Variants in GABRA1 observed in about 807,000 individuals in gnomAD.
GABRA1 encodes the protein gamma-aminobutyric acid receptor subunit alpha-1.
Under a neutral mutation model 48.9 loss-of-function variants are expected in GABRA1, and 9 were observed. That is an observed-to-expected ratio of 0.18 (90% CI 0.11 to 0.32). The LOEUF is 0.32. Among genes scored for constraint, GABRA1 ranks in the 10% least tolerant of loss-of-function variants. GABRA1 has a pLI of 1.00. For missense variants in GABRA1, 285 were observed against 553.8 expected (o/e 0.51, Z 4.87); for synonymous variants, 210 against 198.7 (o/e 1.06, Z -0.48).
intron 4 of GABRA1, among the ~76,000 whole-genome samples, chr5:161,869,687 G>C (rs148386985): frequency 6.6e-6 from 1 of 152,106 alleles, no homozygotes; most frequent in African/African-American, 2.4e-5. Context: ...GGAACATAGC[G>C]GATGTTTTGT....
intron 1 of GABRA1, 43 bp from the exon 2 acceptor site, chr5:161,850,753 T>C: frequency 1.3e-6 from 2 of 1,535,836 alleles, no homozygotes; most frequent in Non-Finnish European, 1.8e-6. Flanking sequence ...TAACCTGATG[T>C]TTCTTGCTAG....
At chr5:161,886,854 G>A (rs1417591559) in intron 7 of GABRA1, among the ~76,000 whole-genome samples, 1 of 151,890 alleles carries the variant, frequency 6.6e-6, no homozygotes, top group East Asian at 1.9e-4. Context: ...GGAGGAAGGG[G>A]GTCATTTCTA....
intron 8 of GABRA1, among the ~76,000 whole-genome samples, chr5:161,893,902 A>G (rs939504014): frequency 1.3e-5 from 2 of 152,228 alleles, no homozygotes; most frequent in African/African-American, 4.8e-5. Context: ...CTCTTTTCCT[A>G]TAACAGGAAT....
chr5:161,847,919 A>C, upstream of GABRA1: 1 of 150,134 alleles, frequency 6.7e-6, no homozygotes, highest in Non-Finnish European at 1.5e-5. Flanking sequence ...TCCCTCCCCC[A>C]TTGCCGCTCC....
At chr5:161,887,293 G>T (rs558412953) in intron 7 of GABRA1, among the ~76,000 whole-genome samples, 1 of 152,178 alleles carries the variant, frequency 6.6e-6, no homozygotes, top group East Asian at 1.9e-4. Context: ...GACCCAGAAG[G>T]GTCAAGATAA....
At chr5:161,867,981 A>G (rs562004552) in intron 4 of GABRA1, among the ~76,000 whole-genome samples, 1 of 151,862 alleles carries the variant, frequency 6.6e-6, no homozygotes, top group African/African-American at 2.4e-5. Flanking sequence ...GTATTAGTTC[A>G]TTGTTATTTT....
At chr5:161,864,903 C>T (rs184872835) in intron 3 of GABRA1, among the ~76,000 whole-genome samples, 2 of 151,754 alleles carry the variant, frequency 1.3e-5, no homozygotes, top group African/African-American at 4.8e-5. Context: ...TTTTTCAGAG[C>T]TAGAGATGAA....
intron 3 of GABRA1, among the ~76,000 whole-genome samples, chr5:161,859,690 A>T (rs1757779465): frequency 6.6e-6 from 1 of 151,728 alleles, no homozygotes; most frequent in Non-Finnish European, 1.5e-5. Context: ...TCAGAGAGAA[A>T]CATTTTGTTC....
chr5:161,875,228 G>C (rs760483336), intron 5 of GABRA1, among the ~76,000 whole-genome samples: 1 of 152,114 alleles, frequency 6.6e-6, no homozygotes, highest in Non-Finnish European at 1.5e-5. Flanking sequence ...TTACGCAAGT[G>C]TTTATTTGCT....
Position 161,860,523 on chromosome 5 carries a change from A to C in GABRA1, c.188-5198A>C, listed in dbSNP as rs116284869. Among the ~76,000 whole-genome samples, 590 of 151,904 alleles carry C rather than the reference A, an allele frequency of 3.9e-3. 5 individuals carry two copies. Among genetic ancestry groups the C allele is most frequent in the African/African-American group, 0.014 (574 of 41,514 alleles). The stretch of plus-strand genomic sequence containing the variant: ...GAGGTGGGGATGGTTAATGGGTACA[A>C]AAGAAAGTACAAAAAAGTAGGAAAA... On this transcript the variant is annotated intron_variant, in intron 3 of 9. Transcript: ENST00000393943.
chr5:161,868,754 A>G (rs990525515), intron 4 of GABRA1, among the ~76,000 whole-genome samples: 1 of 152,326 alleles, frequency 6.6e-6, no homozygotes, highest in South Asian at 2.1e-4. Flanking sequence ...TTCTTAAAAA[A>G]TAGGTGACAT....
At chr5:161,889,211 T>A (rs988090776) in intron 7 of GABRA1, among the ~76,000 whole-genome samples, 1 of 152,048 alleles carries the variant, frequency 6.6e-6, no homozygotes, top group Non-Finnish European at 1.5e-5. Context: ...TACCAACACT[T>A]CTACCAGTTC....
chr5:161,870,871 G>C (rs1389109081), intron 4 of GABRA1, among the ~76,000 whole-genome samples: 1 of 151,774 alleles, frequency 6.6e-6, no homozygotes, highest in African/African-American at 2.4e-5. Context: ...TTCATCAACT[G>C]CTTTTATTTC....
intron 4 of GABRA1, among the ~76,000 whole-genome samples, chr5:161,866,079 G>A (rs559845937): frequency 2.0e-5 from 3 of 152,100 alleles, no homozygotes; most frequent in African/African-American, 4.8e-5. Context: ...AAGCCATACA[G>A]TATGAGTTAT....
chr5:161,850,774 C>A (rs778388081), intron 1 of GABRA1, 22 bp from the exon 2 acceptor site: 1 of 1,596,264 alleles, frequency 6.3e-7, no homozygotes, highest in Admixed American at 1.7e-5. Context: ...AGACATTGAT[C>A]TCTACTTATT....
Position 161,898,080 on chromosome 5 carries a change from G to A in GABRA1, c.*658G>A, listed in dbSNP as rs1755455570. 1 of 151,846 alleles carries A rather than the reference G, an allele frequency of 6.6e-6. No individual in the cohort carries two copies. The highest frequency in any genetic ancestry group is 2.4e-5 in the African/African-American group (1 of 41,334). The allele number at this position is 151,846 out of a possible 1,614,324, so 9.4% of individuals were successfully genotyped here. A position where few individuals can be genotyped will look rare whatever the true frequency, so the allele number is the denominator to read the frequency against. On this transcript the variant is annotated 3_prime_UTR_variant, in exon 10 of 10. Transcript: ENST00000393943. ...ATACGTAAAGGTGCAGTTGCTCATT[G>A]TAGAGCACATTTAGTCCAATGAAGA...
chr5:161,849,111 T>C lies in GABRA1; in HGVS notation c.-16+689T>C, dbSNP rs1757339376. ...TGGTAAGACTGCAGCTTAGCCTTTC[T>C]TTTAAACTATTATGTTTGTATTTGC... On this transcript the variant is annotated intron_variant, in intron 1 of 9. Coordinates refer to ENST00000393943, the MANE Select transcript of GABRA1 (RefSeq NM_001127644.2). The C allele has an allele frequency of 8.4e-6, 3 of 357,640 alleles. No individual in the cohort carries two copies. In the Admixed American group the frequency reaches 1.1e-4, roughly 13 times the overall value. The allele number at this position is 357,640 out of a possible 1,614,324, so 22.2% of individuals were successfully genotyped here. A position where few individuals can be genotyped will look rare whatever the true frequency, so the allele number is the denominator to read the frequency against.
intron 6 of GABRA1, among the ~76,000 whole-genome samples, chr5:161,876,114 A>G (rs925489303): frequency 6.6e-6 from 1 of 152,124 alleles, no homozygotes; most frequent in African/African-American, 2.4e-5. Context: ...CTGATGTTGC[A>G]AAAAACACAA....
intron 7 of GABRA1, among the ~76,000 whole-genome samples, chr5:161,883,034 C>T (rs1164853124): frequency 2.6e-5 from 4 of 152,096 alleles, no homozygotes; most frequent in African/African-American, 4.8e-5. Flanking sequence ...GTTTGTAGTC[C>T]CCTTGCAGGG....
Sources: allele counts gnomAD v4.1 joint callset (sites outside exome capture counted in the v4.1 genomes callset), GRCh38; gene constraint gnomAD v4.1.1; transcripts MANE v1.5; gene names NCBI Gene and HGNC (gene_info 2026-07-23, HGNC 2026-07-21).